PCDHGB4: variants seen among roughly 807,000 people sequenced by gnomAD.
PCDHGB4 encodes protocadherin gamma-B4.
In PCDHGB4, 38 loss-of-function variants were observed where a neutral mutation model predicts 60.5. That is an observed-to-expected ratio of 0.63 (90% CI 0.48 to 0.82). PCDHGB4 has a LOEUF of 0.82. PCDHGB4 is among the 40% of genes least tolerant of loss of function. The pLI is 0.00. For missense variants in PCDHGB4, 1,109 were observed against 1,209.6 expected (o/e 0.92, Z 1.23); for synonymous variants, 456 against 509.7 (o/e 0.89, Z 1.42).
intron 1 of PCDHGB4, chr5:141,417,644 A>G (rs2096142506): frequency 3.9e-6 from 3 of 779,086 alleles, no homozygotes; most frequent in Non-Finnish European, 5.8e-6. Context: ...GGGATCCCTC[A>G]GCCTCTAGCC....
intron 1 of PCDHGB4, chr5:141,396,060 G>C (rs1309175410): frequency 6.6e-6 from 1 of 152,200 alleles, no homozygotes; most frequent in African/African-American, 2.4e-5. Flanking sequence ...CCAATTAGCT[G>C]TTTCGGTTGT....
rs139211149 is a variant in PCDHGB4, at chr5:141,426,067, G to A, written c.2397+35786G>A. Among the ~76,000 whole-genome samples, 5 of 152,328 alleles carry A rather than the reference G, an allele frequency of 3.3e-5. No individual in the cohort carries two copies. The East Asian group carries it at 9.6e-4, about 29-fold the overall frequency. On this transcript the variant is annotated intron_variant, in intron 1 of 3. Coordinates refer to ENST00000519479, the MANE Select transcript of PCDHGB4 (RefSeq NM_003736.4). Reference sequence around the variant, plus strand: ...TGGCCAATGTGCTGCAAGAACTGGAGCCTGGGATCTACCAGGACGATATTC... The same window carrying A: ...TGGCCAATGTGCTGCAAGAACTGGAACCTGGGATCTACCAGGACGATATTC...
chr5:141,475,977 A>C, intron 1 of PCDHGB4: 1 of 972,828 alleles, frequency 1.0e-6, no homozygotes, highest in Non-Finnish European at 1.5e-6. Flanking sequence ...GAGACTGAAC[A>C]GCCGGCGAGC....
intron 1 of PCDHGB4, among the ~76,000 whole-genome samples, chr5:141,474,511 C>T (rs2099350824): frequency 6.6e-6 from 1 of 152,202 alleles, no homozygotes; most frequent in Non-Finnish European, 1.5e-5. Context: ...TATCAGCCCT[C>T]TTGCTGGTCT....
chr5:141,461,334 G>T (rs558562450), intron 1 of PCDHGB4, among the ~76,000 whole-genome samples: 75 of 152,166 alleles, frequency 4.9e-4, no homozygotes, highest in African/African-American at 1.7e-3. Flanking sequence ...GGCCATTCTT[G>T]CAGGACCAAG....
intron 1 of PCDHGB4, among the ~76,000 whole-genome samples, chr5:141,434,518 T>C (rs2097700303): frequency 6.6e-6 from 1 of 152,188 alleles, no homozygotes; most frequent in Admixed American, 6.5e-5. Flanking sequence ...CTTAAAGGTG[T>C]TCTTAAACCA....
intron 1 of PCDHGB4, among the ~76,000 whole-genome samples, chr5:141,430,411 C>T (rs879587751): frequency 3.3e-5 from 5 of 150,942 alleles, no homozygotes; most frequent in African/African-American, 1.2e-4. Flanking sequence ...ACTAAAGTTT[C>T]TATTAAAGCG....
At chr5:141,429,408 T>A (rs2097213256) in intron 1 of PCDHGB4, among the ~76,000 whole-genome samples, 1 of 151,838 alleles carries the variant, frequency 6.6e-6, no homozygotes, top group Non-Finnish European at 1.5e-5. Flanking sequence ...GAGATTAAGG[T>A]CTCATTATGT....
intron 1 of PCDHGB4, among the ~76,000 whole-genome samples, chr5:141,438,397 C>A (rs950830331): frequency 6.6e-6 from 1 of 151,624 alleles, no homozygotes. Context: ...TCATCATTAA[C>A]TCTCTGAAGT....
rs544678317 is a variant in PCDHGB4, at chr5:141,430,911, A to C, written c.2397+40630A>C. The C allele has an allele frequency of 1.9e-5, 31 of 1,607,958 alleles. No homozygotes were observed. The Admixed American group carries it at 2.2e-4, about 11-fold the overall frequency. ...TCTAGGGTGGGCGACATCTCCAGGG[A>C]CCTGGGGCTGGAGCCCCGGGAGCTC... On this transcript the variant is annotated intron_variant, in intron 1 of 3. Transcript: ENST00000519479.
intron 1 of PCDHGB4, among the ~76,000 whole-genome samples, chr5:141,474,644 C>G (rs1016496399): frequency 4.6e-5 from 7 of 152,180 alleles, no homozygotes; most frequent in Non-Finnish European, 1.0e-4. Flanking sequence ...CCTATATATC[C>G]TTACTTCTTT....
chr5:141,413,835 CG>C, intron 1 of PCDHGB4: 2 of 1,613,258 alleles, frequency 1.2e-6, no homozygotes, highest in South Asian at 1.1e-5. Context: ...CCGCCTCCGA[CG>C]GGGGTGACCC....
intron 1 of PCDHGB4, chr5:141,418,442 G>C: frequency 6.2e-7 from 1 of 1,614,010 alleles, no homozygotes; most frequent in Non-Finnish European, 8.5e-7. Flanking sequence ...TCCAGAATTA[G>C]TATTGCAGAA....
intron 1 of PCDHGB4, chr5:141,404,061 A>G (rs375910829): frequency 9.9e-6 from 16 of 1,613,906 alleles, no homozygotes; most frequent in African/African-American, 4.0e-5. Flanking sequence ...CTTCTTTTCA[A>G]TGCTCATGAC....
At position 141,491,711 on chromosome 5, in the gene PCDHGB4, C is replaced by T. The variant is rs528931820; in HGVS notation, c.2398-3096C>T. 1.5e-5 allele frequency: 24 copies of T among 1,609,240 alleles called. No homozygotes were observed. In the African/African-American group the frequency reaches 1.7e-4, roughly 12 times the overall value. On this transcript the variant is annotated intron_variant, in intron 1 of 3. Transcript: ENST00000519479. This position sits in a 1 kb window ranked among gnomAD's most constrained non-coding sequence, Gnocchi z 6.9. ...CGGGAGCGGAGCCAGGTGAGGGGCT[C>T]GGCGCCGCCCCGGGCGACCCCTGGG... is the stretch of plus-strand genomic sequence containing the variant.
At chr5:141,458,219 C>T (rs2098940224) in intron 1 of PCDHGB4, among the ~76,000 whole-genome samples, 1 of 152,248 alleles carries the variant, frequency 6.6e-6, no homozygotes, top group African/African-American at 2.4e-5. Flanking sequence ...AATAAGTTTC[C>T]TTTCCCAGTC....
At position 141,489,369 on chromosome 5, in the gene PCDHGB4, G is replaced by A. The variant is rs371328808; in HGVS notation, c.2398-5438G>A. The A allele has an allele frequency of 4.5e-5, 73 of 1,613,474 alleles. No individual in the cohort carries two copies. Among genetic ancestry groups the A allele is most frequent in the African/African-American group, 4.1e-4 (31 of 74,894 alleles). ...TGGTGGAGGAGTCTGAGCCGGGGACGCTGGTGGGGAATGTTGCTCAGGATC... is the reference window on the plus strand; with the variant it reads ...TGGTGGAGGAGTCTGAGCCGGGGACACTGGTGGGGAATGTTGCTCAGGATC... On this transcript the variant is annotated intron_variant, in intron 1 of 3. Transcript: ENST00000519479. This position sits in a 1 kb window ranked among gnomAD's most constrained non-coding sequence, Gnocchi z 4.5.
intron 2 of PCDHGB4, among the ~76,000 whole-genome samples, chr5:141,504,179 A>C (rs1247627456): frequency 6.6e-6 from 1 of 152,240 alleles, no homozygotes; most frequent in Non-Finnish European, 1.5e-5. Context: ...AATTCAAAAA[A>C]ATCATGAAAA....
chr5:141,408,345 G>A (rs370026579), intron 1 of PCDHGB4: 3 of 1,613,812 alleles, frequency 1.9e-6, no homozygotes, highest in Non-Finnish European at 2.5e-6. Context: ...TCGGTGGTGG[G>A]GAACCTCGCT....
Sources: allele counts gnomAD v4.1 joint callset (sites outside exome capture counted in the v4.1 genomes callset), GRCh38; gene constraint gnomAD v4.1.1; non-coding constraint Gnocchi (gnomAD v3.1); transcripts MANE v1.5; gene names NCBI Gene and HGNC (gene_info 2026-07-23, HGNC 2026-07-21).